DOCK9: variants seen among roughly 807,000 people sequenced by gnomAD.
The protein encoded by DOCK9 is dedicator of cytokinesis 9.
A neutral mutation model predicts 263.3 loss-of-function variants in DOCK9; 89 were observed. The observed-to-expected ratio is 0.34, with a 90% CI of 0.28 to 0.40. The LOEUF (loss-of-function observed/expected upper bound fraction) is 0.40. DOCK9 is among the 10% of genes least tolerant of loss of function. DOCK9 has a pLI of 1.00. For synonymous variants in DOCK9, 976 were observed against 973.1 expected (o/e 1.00, Z -0.06); for missense variants, 2,140 against 2,603.4 (o/e 0.82, Z 3.87).
chr13:98,879,178 A>G (rs1414466126), intron 27 of DOCK9, among the ~76,000 whole-genome samples: 2 of 152,192 alleles, frequency 1.3e-5, no homozygotes, highest in Non-Finnish European at 2.9e-5. Context: ...CTTGAGCCTC[A>G]GAGAGCCTGA....
intron 9 of DOCK9, among the ~76,000 whole-genome samples, chr13:98,906,036 G>GA (rs1172372705): frequency 6.6e-6 from 1 of 152,138 alleles, no homozygotes; most frequent in Non-Finnish European, 1.5e-5. Context: ...GTGAATCCAT[G>GA]AACACGACAG....
intron 15 of DOCK9, among the ~76,000 whole-genome samples, chr13:98,894,661 T>C (rs2047109975): frequency 6.6e-6 from 1 of 152,038 alleles, no homozygotes; most frequent in African/African-American, 2.4e-5. Flanking sequence ...TTAGTAAGAA[T>C]GAAATTTTCT....
chr13:98,796,225 A>G (rs746819511), intron 52 of DOCK9: 14 of 1,585,562 alleles, frequency 8.8e-6, no homozygotes, highest in African/African-American at 1.3e-5. Context: ...TGAACGTGTT[A>G]GCATGGAGGA....
intron 9 of DOCK9, among the ~76,000 whole-genome samples, chr13:98,905,852 A>C (rs1245211494): frequency 1.3e-5 from 2 of 152,330 alleles, no homozygotes; most frequent in East Asian, 3.9e-4. Flanking sequence ...TAAGAGAATA[A>C]AATGAGTTCC....
chr13:98,901,269 A>G (rs113174680), intron 13 of DOCK9, among the ~76,000 whole-genome samples: 1 of 152,182 alleles, frequency 6.6e-6, no homozygotes, highest in Non-Finnish European at 1.5e-5. Flanking sequence ...AAAAAAACCA[A>G]ACATACATCA....
chr13:99,077,179 T>C (rs2041941975), intron 1 of DOCK9, among the ~76,000 whole-genome samples: 1 of 152,148 alleles, frequency 6.6e-6, no homozygotes, highest in Non-Finnish European at 1.5e-5. Context: ...ATTGAACCTA[T>C]AAGGATGGAT....
intron 1 of DOCK9, among the ~76,000 whole-genome samples, chr13:99,034,128 G>C (rs1185823914): frequency 1.3e-5 from 2 of 151,986 alleles, no homozygotes; most frequent in East Asian, 1.9e-4. Context: ...ATCCAAAATA[G>C]CAACACTAGA....
chr13:99,014,038 T>C (rs1203515949), intron 1 of DOCK9, among the ~76,000 whole-genome samples: 1 of 152,136 alleles, frequency 6.6e-6, no homozygotes, highest in East Asian at 1.9e-4. Flanking sequence ...ATGACAGCAG[T>C]GTTCTAGAAT....
chr13:99,012,901 A>T (rs1884758876), intron 1 of DOCK9, among the ~76,000 whole-genome samples: 1 of 152,146 alleles, frequency 6.6e-6, no homozygotes, highest in Non-Finnish European at 1.5e-5. Flanking sequence ...CTAAAAATTT[A>T]AAAAAACACA....
intron 27 of DOCK9, among the ~76,000 whole-genome samples, chr13:98,875,704 T>C (rs1044878760): frequency 1.3e-5 from 2 of 152,238 alleles, no homozygotes; most frequent in African/African-American, 4.8e-5. Flanking sequence ...ATGTCTGCTT[T>C]ACATTTTTCT....
Position 98,930,250 on chromosome 13 carries a change from A to G in DOCK9, c.251T>C (p.Ile84Thr), listed in dbSNP as rs560328551. The change falls in exon 3 of 53, where the codon ATC becomes ACC. Residue 84 changes from isoleucine to threonine, a missense_variant. By Grantham distance (89) the Ile-to-Thr change is moderately conservative (BLOSUM62 -1). This residue lies in a region of DOCK9 where 1,521 missense variants were observed against 1,741.7 expected (regional missense o/e 0.87). Coordinates refer to ENST00000682017, the MANE Select transcript of DOCK9 (RefSeq NM_001366683.2). ...LFPYDDFQTA[I>T]LRRQGRYICS... Reference sequence around the variant, plus strand: ...TATGTATCGACCCTGTCGTCTCAGGATGGCCGTCTGGAAACAAAAACAGGA... The same window carrying G: ...TATGTATCGACCCTGTCGTCTCAGGGTGGCCGTCTGGAAACAAAAACAGGA... 1.2e-6 allele frequency: 2 copies of G among 1,609,782 alleles called. No homozygotes were observed. Among genetic ancestry groups the G allele is most frequent in the African/African-American group, 1.3e-5 (1 of 75,020 alleles).
intron 45 of DOCK9, among the ~76,000 whole-genome samples, chr13:98,814,074 C>T (rs1001443810): frequency 1.3e-5 from 2 of 152,188 alleles, no homozygotes; most frequent in African/African-American, 4.8e-5. Context: ...AGGACTAATG[C>T]CTACAAAGAT....
intron 45 of DOCK9, among the ~76,000 whole-genome samples, chr13:98,811,631 T>G (rs998991772): frequency 6.6e-6 from 1 of 152,210 alleles, no homozygotes; most frequent in African/African-American, 2.4e-5. Flanking sequence ...AGGCTGATCT[T>G]GAACTCCTGC....
At chr13:98,889,575 C>T (rs1181473329) in intron 15 of DOCK9, among the ~76,000 whole-genome samples, 1 of 152,146 alleles carries the variant, frequency 6.6e-6, no homozygotes, top group Admixed American at 6.5e-5. Context: ...CTGCTACTGC[C>T]TCACCCTTCC....
chr13:98,983,453 C>T (rs1418643355), intron 1 of DOCK9, among the ~76,000 whole-genome samples: 3 of 151,846 alleles, frequency 2.0e-5, no homozygotes, highest in East Asian at 3.9e-4. Context: ...AAAGAGCCAG[C>T]GAGGGAGGAG....
At chr13:98,941,228 A>G (rs1297430949) in intron 2 of DOCK9, among the ~76,000 whole-genome samples, 1 of 152,172 alleles carries the variant, frequency 6.6e-6, no homozygotes, top group African/African-American at 2.4e-5. Flanking sequence ...TCCAATACCC[A>G]GCAGAACACC....
chr13:98,884,640 A>G (rs1341584610), intron 21 of DOCK9, among the ~76,000 whole-genome samples: 1 of 152,194 alleles, frequency 6.6e-6, no homozygotes, highest in Non-Finnish European at 1.5e-5. Flanking sequence ...GAAAATTCCT[A>G]ATAGTTTGCA....
intron 32 of DOCK9, among the ~76,000 whole-genome samples, chr13:98,861,015 G>C (rs2093853396): frequency 1.3e-5 from 2 of 152,220 alleles, no homozygotes; most frequent in South Asian, 4.1e-4. Context: ...TTTAAGTTAG[G>C]TCAAAAAACG....
chr13:99,071,306 C>CTTTTTGTTTTTTTT (rs2041663146), intron 1 of DOCK9, among the ~76,000 whole-genome samples: 1 of 49,320 alleles, frequency 2.0e-5, no homozygotes, highest in East Asian at 6.7e-4. Flanking sequence ...CCATGCCTGG[C>CTTTTTGTTTTTTTT]TTTTTTTTTT....
Sources: gnomAD v4.1 joint callset for allele counts (sites outside exome capture counted in the v4.1 genomes callset) on GRCh38, gnomAD v4.1.1 for gene constraint, gnomAD v4.1.1 regional missense constraint, MANE v1.5 for transcripts, NCBI Gene and HGNC (gene_info 2026-07-23, HGNC 2026-07-21) for gene names.